The following GRIA1 variants were observed in gnomAD, a reference collection of about 807,000 sequenced individuals.
The protein encoded by GRIA1 is glutamate receptor 1.
Under a neutral mutation model 99.2 loss-of-function variants are expected in GRIA1, and 31 were observed. That is an observed-to-expected ratio of 0.31 (90% CI 0.23 to 0.42). GRIA1 has a LOEUF of 0.42. GRIA1 is among the 10% of genes least tolerant of loss of function. The pLI, the probability that GRIA1 is intolerant of heterozygous loss-of-function variation, is 1.00. For missense variants in GRIA1, 782 were observed against 1,157.5 expected (o/e 0.68, Z 4.71); for synonymous variants, 438 against 432.4 (o/e 1.01, Z -0.16).
At chr5:153,676,859 GC>G (rs1756623014) in intron 6 of GRIA1, 134 bp from the exon 7 acceptor site, 1 of 539,508 alleles carries the variant, frequency 1.9e-6, no homozygotes, top group African/African-American at 1.9e-5. Flanking sequence ...ACCACTGTCT[GC>G]CCCACGTATA....
intron 10 of GRIA1, among the ~76,000 whole-genome samples, chr5:153,702,681 C>G (rs889661697): frequency 1.3e-5 from 2 of 152,190 alleles, no homozygotes; most frequent in Non-Finnish European, 2.9e-5. Flanking sequence ...ATGTTCACAT[C>G]TCACCCCAGG....
At position 153,804,208 on chromosome 5, in the gene GRIA1, A is replaced by G. The variant is rs187439808; in HGVS notation, c.2520+1718A>G. Among the ~76,000 whole-genome samples, 21 of 152,302 alleles carry G rather than the reference A, an allele frequency of 1.4e-4. No homozygotes were observed. The East Asian group carries it at 3.9e-3, about 28-fold the overall frequency. ...TTCACCAGGGACCTAGGAACACCCC[A>G]ATCCTACTCTTGACCAGCTCATCCA... On this transcript the variant is annotated intron_variant, in intron 15 of 15. Coordinates refer to ENST00000285900, the MANE Select transcript of GRIA1 (RefSeq NM_000827.4).
chr5:153,786,014 T>C (rs1023164824), intron 13 of GRIA1, among the ~76,000 whole-genome samples: 36 of 152,324 alleles, frequency 2.4e-4, no homozygotes, highest in African/African-American at 8.4e-4. Context: ...GCCCACTATC[T>C]CCATGATCCC....
chr5:153,598,580 G>C (rs774120825), intron 2 of GRIA1, among the ~76,000 whole-genome samples: 6 of 152,138 alleles, frequency 3.9e-5, no homozygotes, highest in Non-Finnish European at 8.8e-5. Flanking sequence ...AGGTGGTCTC[G>C]TGGAGAACTG....
chr5:153,572,899 A>G (rs1762242786), intron 2 of GRIA1, among the ~76,000 whole-genome samples: 1 of 152,222 alleles, frequency 6.6e-6, no homozygotes, highest in Non-Finnish European at 1.5e-5. Context: ...AGAGGGAGGC[A>G]TGCGAGAAAT....
chr5:153,615,713 G>A (rs1052892588), intron 2 of GRIA1, among the ~76,000 whole-genome samples: 1 of 151,940 alleles, frequency 6.6e-6, no homozygotes, highest in Non-Finnish European at 1.5e-5. Flanking sequence ...TTTGTCCAGG[G>A]GCTCTGCCAT....
chr5:153,511,747 C>T (rs1339411097), intron 2 of GRIA1, among the ~76,000 whole-genome samples: 1 of 152,206 alleles, frequency 6.6e-6, no homozygotes, highest in Non-Finnish European at 1.5e-5. Flanking sequence ...CCCAAGGCCT[C>T]CTACTCTTCC....
chr5:153,789,915 A>T (rs1016214019), intron 13 of GRIA1, among the ~76,000 whole-genome samples: 2 of 152,220 alleles, frequency 1.3e-5, no homozygotes, highest in African/African-American at 4.8e-5. Flanking sequence ...ATTTATCAAC[A>T]ATAGTAGTAG....
intron 11 of GRIA1, among the ~76,000 whole-genome samples, chr5:153,727,166 G>T (rs927117864): frequency 6.6e-6 from 1 of 152,224 alleles, no homozygotes; most frequent in Admixed American, 6.5e-5. Context: ...TGCAGAAAAG[G>T]CCTTTGACAA....
chr5:153,777,036 G>T (rs1004630925), intron 13 of GRIA1, among the ~76,000 whole-genome samples: 1 of 152,168 alleles, frequency 6.6e-6, no homozygotes, highest in Non-Finnish European at 1.5e-5. Context: ...GTGGCATTAA[G>T]TCGATTGCTC....
intron 5 of GRIA1, among the ~76,000 whole-genome samples, chr5:153,656,227 T>C (rs1351942517): frequency 1.2e-4 from 19 of 152,046 alleles, no homozygotes; most frequent in Admixed American, 1.2e-3. Context: ...GGTCCTCCAT[T>C]TTGACCCCAG....
chr5:153,786,762 A>G (rs1764988412), intron 13 of GRIA1, among the ~76,000 whole-genome samples: 1 of 152,212 alleles, frequency 6.6e-6, no homozygotes, highest in African/African-American at 2.4e-5. Context: ...AGATTCAAGG[A>G]AAACATGGGG....
chr5:153,677,495 C>T (rs543498941), intron 7 of GRIA1, among the ~76,000 whole-genome samples: 4 of 152,334 alleles, frequency 2.6e-5, no homozygotes, highest in South Asian at 2.1e-4. Flanking sequence ...CCTGGAAACA[C>T]TCCCCTCTTG....
intron 12 of GRIA1, among the ~76,000 whole-genome samples, chr5:153,767,551 T>C (rs1017899506): frequency 6.6e-6 from 1 of 152,206 alleles, no homozygotes; most frequent in Non-Finnish European, 1.5e-5. Flanking sequence ...TTTCCATCTC[T>C]GTGACTCTGA....
chr5:153,774,797 C>A (rs184800548), intron 13 of GRIA1, among the ~76,000 whole-genome samples: 1 of 152,356 alleles, frequency 6.6e-6, no homozygotes, highest in East Asian at 1.9e-4. Context: ...GTCTACTTGG[C>A]AGAAGCCAGG....
intron 2 of GRIA1, among the ~76,000 whole-genome samples, chr5:153,561,567 G>C (rs1388444088): frequency 1.3e-5 from 2 of 152,132 alleles, no homozygotes; most frequent in African/African-American, 4.8e-5. Flanking sequence ...GGGAACTCAA[G>C]TTTATTACTT....
intron 2 of GRIA1, among the ~76,000 whole-genome samples, chr5:153,560,468 G>A (rs1288687241): frequency 6.6e-6 from 1 of 152,086 alleles, no homozygotes; most frequent in Non-Finnish European, 1.5e-5. Flanking sequence ...GTCAAGGGAG[G>A]GACCAGGTGG....
intron 2 of GRIA1, among the ~76,000 whole-genome samples, chr5:153,547,557 C>A (rs1264368718): frequency 6.6e-6 from 1 of 152,194 alleles, no homozygotes; most frequent in Admixed American, 6.5e-5. Flanking sequence ...TAACTCAACA[C>A]TTCTCTCCCC....
chr5:153,554,673 T>G (rs1210710983), intron 2 of GRIA1, among the ~76,000 whole-genome samples: 2 of 152,168 alleles, frequency 1.3e-5, no homozygotes, highest in Non-Finnish European at 2.9e-5. Flanking sequence ...TTTATATTTT[T>G]AGTAGAGACG....
Sources: gnomAD v4.1 joint callset for allele counts (sites outside exome capture counted in the v4.1 genomes callset) on GRCh38, gnomAD v4.1.1 for gene constraint, MANE v1.5 for transcripts, NCBI Gene and HGNC (gene_info 2026-07-23, HGNC 2026-07-21) for gene names.